RAPGEF3: variants seen among roughly 807,000 people sequenced by gnomAD.
RAPGEF3 encodes 9330170P05Rik.
In RAPGEF3, 103 loss-of-function variants were observed where a neutral mutation model predicts 129.8. The observed-to-expected ratio is 0.79, with a 90% CI of 0.68 to 0.93. RAPGEF3 has a LOEUF of 0.93. RAPGEF3 is among the 40% of genes least tolerant of loss of function. The pLI is 0.00. For missense variants in RAPGEF3, 1,117 were observed against 1,207.4 expected, an observed-to-expected ratio of 0.93 and a Z score of 1.11; for synonymous variants, 436 against 482.6, an observed-to-expected ratio of 0.90 and a Z score of 1.26.
rs746936761 is a variant in RAPGEF3, at chr12:47,751,189, C to T, written c.530G>A (p.Arg177Gln). 26 of 1,552,844 alleles carry T rather than the reference C, an allele frequency of 1.7e-5. No individual in the cohort carries two copies. In the Admixed American group the frequency reaches 2.4e-4, roughly 14 times the overall value. ...GGGGAACCGGTAGAATTGGGCATCT[C>T]GGTCCTGGAAGGCCCAGTCGTGTTT... ...HVKHDWAFQD[R>Q]DAQFYRFPGP... Residue 177 changes from arginine to glutamine, a missense_variant, in exon 6 of 28, where the codon CGA becomes CAA. Transcript: ENST00000449771.
chr12:47,754,740 G>A (rs1941953008), intron 2 of RAPGEF3, among the ~76,000 whole-genome samples: 1 of 152,106 alleles, frequency 6.6e-6, no homozygotes, highest in African/African-American at 2.4e-5. Flanking sequence ...AGGACACAGT[G>A]CAAAAAAATA....
At chr12:47,737,989 CTCCCT>C in intron 27 of RAPGEF3, 28 bp downstream of exon 27, 1 of 1,569,316 alleles carries the variant, frequency 6.4e-7, no homozygotes, top group Non-Finnish European at 8.8e-7. Context: ...TAAGCACCCC[CTCCCT>C]GCCCACCCAC....
At chr12:47,738,839 T>G (rs1940958873) in intron 24 of RAPGEF3, 85 bp from the exon 25 acceptor site, 2 of 1,240,314 alleles carry the variant, frequency 1.6e-6, no homozygotes, top group African/African-American at 1.5e-5. Context: ...AACGGCTCCC[T>G]TGGGCCTACC....
chr12:47,751,686 T>C, intron 4 of RAPGEF3, 37 bp downstream of exon 4: 1 of 1,607,328 alleles, frequency 6.2e-7, no homozygotes, highest in Non-Finnish European at 8.5e-7. Context: ...GAGAAAGCAG[T>C]GAGGCTGGGC....
chr12:47,741,388 A>C, intron 19 of RAPGEF3, 117 bp downstream of exon 19: 2 of 988,158 alleles, frequency 2.0e-6, no homozygotes, highest in South Asian at 2.8e-5. Context: ...AGGACCCAGC[A>C]GCAGCCAGAG....
At position 47,751,926 on chromosome 12, in the gene RAPGEF3, C is replaced by A. The variant is rs761856409; in HGVS notation, c.263G>T (p.Ser88Ile). The A allele has an allele frequency of 1.9e-5, 30 of 1,614,070 alleles. No homozygotes were observed. The highest frequency in any genetic ancestry group is 2.7e-5 in the African/African-American group (2 of 74,924). ...NSEESLDFSE[S>I]LEQASTERVL... ...TGCCCAGGCTTCTACCTGCTCCAGG[C>A]TCTCGCTGAAATCCAGGGACTCCTC... Residue 88 changes from serine to isoleucine, a missense_variant, in exon 3 of 28, where the codon AGC becomes ATC. Transcript: ENST00000449771.
chr12:47,741,256 A>G (rs1941148345), intron 19 of RAPGEF3: 2 of 705,548 alleles, frequency 2.8e-6, no homozygotes, highest in Non-Finnish European at 4.6e-6. Context: ...CTCCTGGGGA[A>G]CCCCTAACTA....
chr12:47,748,035 A>G, intron 13 of RAPGEF3, 39 bp downstream of exon 13: 4 of 1,550,610 alleles, frequency 2.6e-6, no homozygotes, highest in South Asian at 2.3e-5. Flanking sequence ...GCACCATCCT[A>G]TCCCCATGCA....
rs745940362 is a variant in RAPGEF3 at position 47,738,228 on chromosome 12, G to A, written c.2546C>T (p.Ala849Val). ...FEKMRMMARA[A>V]RMLHHCRSHN... Reference sequence around the variant, plus strand: ...GCTTCGGCAGTGGTGCAGCATCCGCGCGGCTCTGGCCATCATTCTCTGCGG... The same window carrying A: ...GCTTCGGCAGTGGTGCAGCATCCGCACGGCTCTGGCCATCATTCTCTGCGG... Residue 849 changes from alanine (A) to valine (V), a missense_variant, in exon 26 of 28, where the codon GCG becomes GTG. Coordinates refer to ENST00000449771, the MANE Select transcript of RAPGEF3 (RefSeq NM_001098531.4). 1.5e-5 allele frequency: 25 copies of A among 1,613,524 alleles called. No individual in the cohort carries two copies. Among genetic ancestry groups the A allele is most frequent in the East Asian group, 2.2e-5 (1 of 44,876 alleles).
intron 11 of RAPGEF3, 59 bp downstream of exon 11, chr12:47,748,760 C>G: frequency 2.3e-6 from 3 of 1,333,266 alleles, no homozygotes; most frequent in South Asian, 1.2e-5. Flanking sequence ...GGGAAGGGAG[C>G]AAAGATTGGG....
Position 47,737,661 on chromosome 12 carries a change from C to T in RAPGEF3, c.2678G>A (p.Arg893Gln), listed in dbSNP as rs755827558. The change falls in exon 28 of 28, where the codon CGG becomes CAG. Residue 893 changes from arginine to glutamine, a missense_variant. Coordinates refer to ENST00000449771, the MANE Select transcript of RAPGEF3 (RefSeq NM_001098531.4). ...ATAAGCCCAGGTGCTGGCTGGACTC[C>T]GGGTGCTCAGGGACTGCTCCGAGCC... ...STCSEQSLST[R>Q]SPASTWAYVQ... The T allele has an allele frequency of 2.1e-5, 34 of 1,613,286 alleles. 1 individual carries two copies. The highest frequency in any genetic ancestry group is 6.6e-5 in the South Asian group (6 of 90,796).
rs144726123 is a variant in RAPGEF3, at chr12:47,740,784, G to T, written c.2089C>A (p.Arg697=). 26 of 1,613,918 alleles carry T rather than the reference G, an allele frequency of 1.6e-5. No homozygotes were observed. Among genetic ancestry groups the T allele is most frequent in the Middle Eastern group, 3.3e-4 (2 of 6,084 alleles). Residue 697 remains arginine, a synonymous_variant, in exon 21 of 28, where the codon CGG becomes AGG. Transcript: ENST00000449771. The part of the protein sequence containing the change: ...IHYVLGPQHL[R]DVTTANLERF... ...TCCAGGTTGGCGGTGGTGACATCCC[G>T]CAGATGCTGGGGGCCCAGCACATAG...
At position 47,740,739 on chromosome 12, in the gene RAPGEF3, T is replaced by G. The variant is rs147300856; in HGVS notation, c.2134A>C (p.Asn712His). ...ANLERFMRRF[N>H]ELQYWVATEL... ...GTGGCCACCCAGTACTGCAGCTCAT[T>G]GAAGCGGCGCATGAAGCGCTCCAGG... is the stretch of plus-strand genomic sequence containing the variant. Residue 712 changes from asparagine (N) to histidine (H), a missense_variant, in exon 21 of 28, where the codon AAT becomes CAT. Physicochemically the swap from Asn to His is moderately conservative, Grantham distance 68. Transcript: ENST00000449771. 6 of 1,613,908 alleles carry G rather than the reference T, an allele frequency of 3.7e-6. No homozygotes were observed. Among genetic ancestry groups the G allele is most frequent in the African/African-American group, 1.3e-5 (1 of 74,934 alleles).
chr12:47,758,359 G>C, intron 1 of RAPGEF3, 192 bp downstream of exon 1: 1 of 1,464,046 alleles, frequency 6.8e-7, no homozygotes. Context: ...GCCCCTGCAG[G>C]GATCTCCACT....
At chr12:47,741,631 G>T (rs753089319) in intron 18 of RAPGEF3, 29 bp from the exon 19 acceptor site, 5 of 1,587,204 alleles carry the variant, frequency 3.2e-6, no homozygotes, top group African/African-American at 1.3e-5. Context: ...CGGACTGGGT[G>T]GGGGAAGGGA....
At chr12:47,756,783 A>G (rs1399467351) in intron 2 of RAPGEF3, among the ~76,000 whole-genome samples, 1 of 152,098 alleles carries the variant, frequency 6.6e-6, no homozygotes, top group African/African-American at 2.4e-5. Flanking sequence ...ATCCTGGCCA[A>G]TATGGTGAAA....
chr12:47,750,521 G>A (rs528138189), intron 6 of RAPGEF3, 96 bp from the exon 7 acceptor site: 16 of 1,126,758 alleles, frequency 1.4e-5, no homozygotes, highest in Middle Eastern at 2.7e-4. Flanking sequence ...TGTGCCAGAC[G>A]GTGCCTCAGC....
At chr12:47,751,643 G>A (rs138387929) in intron 4 of RAPGEF3, 80 bp downstream of exon 4, 1 of 1,598,788 alleles carries the variant, frequency 6.3e-7, no homozygotes, top group Non-Finnish European at 8.6e-7. Context: ...GAAGCAGGGT[G>A]AGGCCCAGGT....
At chr12:47,742,925 A>G (rs1941240855) in intron 18 of RAPGEF3, among the ~76,000 whole-genome samples, 1 of 152,214 alleles carries the variant, frequency 6.6e-6, no homozygotes, top group African/African-American at 2.4e-5. Flanking sequence ...ATCCTCAAAA[A>G]TGTTTGCTGA....
Sources: gnomAD v4.1 joint callset for allele counts (sites outside exome capture counted in the v4.1 genomes callset) on GRCh38, gnomAD v4.1.1 for gene constraint, MANE v1.5 for transcripts, NCBI Gene and HGNC (gene_info 2026-07-23, HGNC 2026-07-21) for gene names.